The following NCS1 variants were observed in gnomAD, a reference collection of about 807,000 sequenced individuals.
The protein encoded by NCS1 is frequenin homolog.
Under a neutral mutation model 28.4 loss-of-function variants are expected in NCS1, and 6 were observed. That is an observed-to-expected ratio of 0.21 (90% CI 0.12 to 0.42). NCS1 has a LOEUF of 0.42. Among genes scored for constraint, NCS1 ranks in the 10% least tolerant of loss-of-function variants. The pLI, the probability that NCS1 is intolerant of heterozygous loss-of-function variation, is 1.00. For missense variants in NCS1, 131 were observed against 241.4 expected (o/e 0.54, Z 3.03); for synonymous variants, 86 against 99.3 (o/e 0.87, Z 0.79).
At chr9:130,203,043 AAT>A (rs1491159863) in intron 2 of NCS1, among the ~76,000 whole-genome samples, 7 of 105,518 alleles carry the variant, frequency 6.6e-5, no homozygotes, top group Admixed American at 9.5e-5. Context: ...CTCCAGGGTA[AAT>A]ATGTGTGTGT....
intron 2 of NCS1, among the ~76,000 whole-genome samples, chr9:130,207,891 G>T (rs2131141605): frequency 6.6e-6 from 1 of 152,292 alleles, no homozygotes; most frequent in South Asian, 2.1e-4. Flanking sequence ...GCCGGCATTG[G>T]TGTCCACAGC....
intron 2 of NCS1, among the ~76,000 whole-genome samples, chr9:130,203,394 C>T (rs569452643): frequency 2.6e-5 from 4 of 152,254 alleles, no homozygotes; most frequent in African/African-American, 7.2e-5. Context: ...CGTAAGCCAC[C>T]GTGCCCAGCC....
At chr9:130,221,393 TATATATATATATATATATATAGAGAGAG>T (rs1405749592) in intron 4 of NCS1, among the ~76,000 whole-genome samples, 10 of 56,704 alleles carry the variant, frequency 1.8e-4, no homozygotes, top group African/African-American at 4.6e-4. Flanking sequence ...TATATATATA[TATATATATATATATATATATAGAGAGAG>T]AGAGAGAGAG....
rs910995133 is a variant in NCS1, at chr9:130,180,961, C to G, written c.64+8234C>G. Among the ~76,000 whole-genome samples, 5 of 152,158 alleles carry G rather than the reference C, an allele frequency of 3.3e-5. No individual in the cohort carries two copies. The South Asian group carries it at 8.3e-4, about 25-fold the overall frequency. On this transcript the variant is annotated intron_variant, in intron 1 of 7. Transcript: ENST00000372398. The surrounding 1 kb of genome is among the most constrained non-coding windows in gnomAD (Gnocchi z 4.5). ...AGGGAGAAGGGTTGTGGCAGGCTGGCTTTTAGGCTCCTGTGCGCCCAGGGG... is the reference window on the plus strand; with the variant it reads ...AGGGAGAAGGGTTGTGGCAGGCTGGGTTTTAGGCTCCTGTGCGCCCAGGGG...
chr9:130,226,649 A>G lies in NCS1; in HGVS notation c.*17+145A>G. On this transcript the variant is annotated intron_variant, in intron 7 of 7. Coordinates refer to ENST00000372398, the MANE Select transcript of NCS1 (RefSeq NM_014286.4). This position sits in a 1 kb window ranked among gnomAD's most constrained non-coding sequence, Gnocchi z 4.8. ...TAGCAGGGACATAGCTGGGAGGAGG[A>G]GGCTGGAAGGGGGGCCTTCAAATTG... 2 of 610,732 alleles carry G rather than the reference A, an allele frequency of 3.3e-6. No individual in the cohort carries two copies. The highest frequency in any genetic ancestry group is 2.0e-5 in the South Asian group (1 of 50,152). The allele number at this position is 610,732 out of a possible 1,614,324, so 37.8% of individuals were successfully genotyped here. A position where few individuals can be genotyped will look rare whatever the true frequency, so the allele number is the denominator to read the frequency against.
chr9:130,222,116 A>ATATATATATATGTGTATATATATACG (rs1833336025), intron 4 of NCS1, among the ~76,000 whole-genome samples: 1 of 137,762 alleles, frequency 7.3e-6, no homozygotes, highest in African/African-American at 2.8e-5. Flanking sequence ...ATATATACGT[A>ATATATATATATGTGTATATATATACG]TATATATATG....
chr9:130,223,166 T>TG lies in NCS1; in HGVS notation c.474+14dup, dbSNP rs781881932. 241 of 878,378 alleles carry TG rather than the reference T, an allele frequency of 2.7e-4. No homozygotes were observed. Among genetic ancestry groups the TG allele is most frequent in the African/African-American group, 9.7e-4 (46 of 47,430 alleles). The allele number at this position is 878,378 out of a possible 1,614,324, so 54.4% of individuals were successfully genotyped here. A position where few individuals can be genotyped will look rare whatever the true frequency, so the allele number is the denominator to read the frequency against. ...CTTTGCCATGATGGATAAGGTGAGG[T>TG]GGGGGGGCGGGGCTGGTCCTGGACC... is the stretch of plus-strand genomic sequence containing the variant. On this transcript the variant is annotated splice_region_variant and intron_variant, in intron 6 of 7. Transcript: ENST00000372398.
chr9:130,216,223 T>C (rs945604233), intron 2 of NCS1, among the ~76,000 whole-genome samples: 3 of 152,134 alleles, frequency 2.0e-5, no homozygotes, highest in Non-Finnish European at 4.4e-5. Flanking sequence ...CCCTCTCCGA[T>C]GTTCGAGGGG....
chr9:130,206,403 CTTTTTTTTTT>C (rs71387330), intron 2 of NCS1, among the ~76,000 whole-genome samples: 5 of 116,496 alleles, frequency 4.3e-5, no homozygotes, highest in South Asian at 6.3e-4. Flanking sequence ...TTCTTTCTTT[CTTTTTTTTTT>C]TTTTTTTTTT....
chr9:130,185,813 C>T (rs528969877), intron 1 of NCS1, among the ~76,000 whole-genome samples: 10 of 152,274 alleles, frequency 6.6e-5, no homozygotes, highest in Non-Finnish European at 1.0e-4. Context: ...CCACCCCCTG[C>T]GCGCCCAGCA....
At chr9:130,205,445 G>A (rs1461640951) in intron 2 of NCS1, among the ~76,000 whole-genome samples, 1 of 151,522 alleles carries the variant, frequency 6.6e-6, no homozygotes, top group African/African-American at 2.4e-5. Flanking sequence ...TCAGGAGGCT[G>A]AGGTGGGAGG....
At chr9:130,176,177 TCTTTCTTTCTTTCTTTC>T (rs1564700761) in intron 1 of NCS1, among the ~76,000 whole-genome samples, 210 of 68,598 alleles carry the variant, frequency 3.1e-3, no homozygotes, top group Non-Finnish European at 3.4e-3. Context: ...TTTCTTTCTT[TCTTTCTTTCTTTCTTTC>T]TTTTTTTTTT....
chr9:130,202,232 C>T (rs1832958180), intron 2 of NCS1, among the ~76,000 whole-genome samples: 1 of 152,190 alleles, frequency 6.6e-6, no homozygotes, highest in African/African-American at 2.4e-5. Context: ...TGCCCTTTAC[C>T]CTCTGGCCAG....
intron 1 of NCS1, among the ~76,000 whole-genome samples, chr9:130,176,775 A>C (rs971029193): frequency 6.6e-6 from 1 of 152,220 alleles, no homozygotes; most frequent in East Asian, 1.9e-4. Context: ...AGAGGAGTGG[A>C]CCAGAGAGAT....
intron 1 of NCS1, among the ~76,000 whole-genome samples, chr9:130,178,307 C>T (rs782023690): frequency 4.6e-5 from 7 of 152,244 alleles, no homozygotes; most frequent in Non-Finnish European, 1.0e-4. Flanking sequence ...CTCACCCAGG[C>T]CCCAGAGCCC....
At chr9:130,213,281 C>CT (rs1263362117) in intron 2 of NCS1, among the ~76,000 whole-genome samples, 4 of 151,854 alleles carry the variant, frequency 2.6e-5, no homozygotes, top group East Asian at 1.9e-4. Context: ...TCTTTTCTTT[C>CT]TTTTTTTTTC....
At chr9:130,194,343 A>AGGCTGTGGGCACCGCGGGAGCTTCCT (rs1832851631) in intron 1 of NCS1, among the ~76,000 whole-genome samples, 1 of 150,362 alleles carries the variant, frequency 6.7e-6, no homozygotes. Flanking sequence ...GGTGGAAAGG[A>AGGCTGTGGGCACCGCGGGAGCTTCCT]GGCTGTGGGC....
intron 2 of NCS1, among the ~76,000 whole-genome samples, chr9:130,211,484 C>T (rs1554908789): frequency 6.6e-6 from 1 of 151,588 alleles, no homozygotes. Flanking sequence ...TGGCCTGAGC[C>T]AGCAATGATG....
intron 4 of NCS1, among the ~76,000 whole-genome samples, chr9:130,221,413 TAG>T (rs782666520): frequency 8.1e-4 from 47 of 57,732 alleles, no homozygotes; most frequent in Admixed American, 1.3e-3. Context: ...TATATATATA[TAG>T]AGAGAGAGAG....
Sources: allele counts gnomAD v4.1 joint callset (sites outside exome capture counted in the v4.1 genomes callset), GRCh38; gene constraint gnomAD v4.1.1; non-coding constraint Gnocchi (gnomAD v3.1); transcripts MANE v1.5; gene names NCBI Gene and HGNC (gene_info 2026-07-23, HGNC 2026-07-21).